Variants in OPA1 observed in about 807,000 individuals in gnomAD.
OPA1 encodes OPA1 mitochondrial dynamin like GTPase.
OPA1 carries 59 observed loss-of-function variants against 152.9 expected under a neutral mutation model. That is an observed-to-expected ratio of 0.39 (90% CI 0.31 to 0.48). The LOEUF (loss-of-function observed/expected upper bound fraction) is 0.48, where lower values mean the gene tolerates loss of function less well. Ranked by LOEUF, OPA1 falls within the 20% of genes least tolerant of loss-of-function variation. OPA1 has a pLI of 0.96. For missense variants in OPA1, 1,008 were observed against 1,216.8 expected, an observed-to-expected ratio of 0.83 and a Z score of 2.55; for synonymous variants, 400 against 389.9, an observed-to-expected ratio of 1.03 and a Z score of -0.31.
At chr3:193,650,108 T>C (rs1712024192) in intron 21 of OPA1, among the ~76,000 whole-genome samples, 1 of 152,200 alleles carries the variant, frequency 6.6e-6, no homozygotes. Context: ...TTAGTTTTGT[T>C]TGGACAGAGC....
At chr3:193,644,701 T>C (rs1160132519) in intron 16 of OPA1, among the ~76,000 whole-genome samples, 1 of 152,158 alleles carries the variant, frequency 6.6e-6, no homozygotes, top group Non-Finnish European at 1.5e-5. Context: ...ATGGTTCTGA[T>C]ATGGAGAAGG....
At chr3:193,666,129 C>T (rs898470312) in intron 27 of OPA1, among the ~76,000 whole-genome samples, 167 bp from the exon 28 acceptor site, 16 of 152,042 alleles carry the variant, frequency 1.1e-4, no homozygotes, top group African/African-American at 3.4e-4. Context: ...TTCATGGCTC[C>T]GTACAGAAAG....
intron 1 of OPA1, among the ~76,000 whole-genome samples, chr3:193,610,307 A>T (rs1239752491): frequency 6.6e-6 from 1 of 152,204 alleles, no homozygotes; most frequent in Non-Finnish European, 1.5e-5. Flanking sequence ...TCCACTCCAG[A>T]CCATGTTTGC....
chr3:193,666,700 G>C (rs372869263), intron 28 of OPA1, among the ~76,000 whole-genome samples: 38 of 152,094 alleles, frequency 2.5e-4, no homozygotes, highest in African/African-American at 8.9e-4. Context: ...GAGATGGGAG[G>C]ATCACTTGAG....
intron 2 of OPA1, 125 bp from the exon 3 acceptor site, chr3:193,615,549 T>G: frequency 1.4e-6 from 1 of 710,340 alleles, no homozygotes; most frequent in South Asian, 1.6e-5. Context: ...TTAATTTTGT[T>G]TCTTAAAAGT....
chr3:193,666,337 C>T lies in OPA1; in HGVS notation c.2820C>T (p.Arg940=). The stretch of plus-strand genomic sequence containing the variant: ...TGGTCTTGTTTTGGCGTATACAGCG[C>T]ATGCTTGCTATCACCGCAAATACTT... The part of the protein sequence containing the change: ...NDVVLFWRIQ[R]MLAITANTLR... Residue 940 remains arginine, a synonymous_variant, in exon 28 of 31, where the codon CGC becomes CGT. Transcript: ENST00000361510. The T allele has an allele frequency of 6.2e-7, 1 of 1,614,160 alleles. No homozygotes were observed. The highest frequency in any genetic ancestry group is 1.1e-5 in the South Asian group (1 of 91,082).
chr3:193,658,269 GAAAA>G (rs1714393878), intron 23 of OPA1, among the ~76,000 whole-genome samples: 1 of 140,776 alleles, frequency 7.1e-6, no homozygotes, highest in African/African-American at 2.6e-5. Context: ...AAAAAAGAAA[GAAAA>G]CCATATTTAT....
chr3:193,601,535 G>C (rs940991644), intron 1 of OPA1, among the ~76,000 whole-genome samples: 1 of 152,294 alleles, frequency 6.6e-6, no homozygotes, highest in African/African-American at 2.4e-5. Flanking sequence ...TGAATCTGTA[G>C]CTCCTGAATA....
At chr3:193,594,579 G>T (rs1019367692) in intron 1 of OPA1, among the ~76,000 whole-genome samples, 13 of 152,234 alleles carry the variant, frequency 8.5e-5, no homozygotes, top group African/African-American at 3.1e-4. Flanking sequence ...GTAGAGAGGG[G>T]GTTTCACCAT....
chr3:193,632,941 C>T (rs1057334869), intron 8 of OPA1, among the ~76,000 whole-genome samples: 1 of 152,192 alleles, frequency 6.6e-6, no homozygotes, highest in Non-Finnish European at 1.5e-5. Flanking sequence ...AGTTGAATAT[C>T]TCTTATCTGA....
chr3:193,680,019 A>T (rs144481716), intron 29 of OPA1, among the ~76,000 whole-genome samples: 2 of 152,364 alleles, frequency 1.3e-5, no homozygotes, highest in African/African-American at 4.8e-5. Context: ...GCCTAACATG[A>T]ATACCTGTTC....
intron 8 of OPA1, 166 bp downstream of exon 8, chr3:193,631,831 A>G: frequency 1.5e-6 from 1 of 658,846 alleles, no homozygotes; most frequent in South Asian, 1.9e-5. Context: ...AATAAGGAAT[A>G]AAGACAGAAC....
intron 3 of OPA1, 41 bp downstream of exon 3, chr3:193,615,811 C>A (rs778161659): frequency 4.5e-6 from 5 of 1,121,152 alleles, no homozygotes; most frequent in African/African-American, 1.5e-5. Context: ...TTGGTCATCT[C>A]GAGGAAAGAG....
At chr3:193,666,669 G>A (rs558621650) in intron 28 of OPA1, among the ~76,000 whole-genome samples, 39 of 152,020 alleles carry the variant, frequency 2.6e-4, no homozygotes, top group Non-Finnish European at 5.4e-4. Context: ...CACATCTGTA[G>A]TTCTAGCTAC....
chr3:193,612,363 C>A (rs192493632), intron 1 of OPA1, among the ~76,000 whole-genome samples: 56 of 144,250 alleles, frequency 3.9e-4, no homozygotes, highest in African/African-American at 1.4e-3. Flanking sequence ...TAGAGATGGA[C>A]AAAGAAGGAA....
chr3:193,647,963 A>G (rs1734959614), intron 19 of OPA1, 107 bp from the exon 20 acceptor site: 3 of 786,168 alleles, frequency 3.8e-6, no homozygotes, highest in East Asian at 2.6e-5. Flanking sequence ...TCATAGGCGC[A>G]CTCTCAGAAA....
At chr3:193,633,474 C>G (rs933841411) in intron 8 of OPA1, among the ~76,000 whole-genome samples, 12 of 152,176 alleles carry the variant, frequency 7.9e-5, no homozygotes, top group Non-Finnish European at 1.6e-4. Flanking sequence ...GGAAATTCTA[C>G]CCTCTTATAT....
Position 193,668,325 on chromosome 3 carries a change from T to C in OPA1, c.2983+1045T>C. The C allele has an allele frequency of 3.9e-6, 6 of 1,550,682 alleles. No homozygotes were observed. In the Middle Eastern group the frequency reaches 8.3e-4, roughly 215 times the overall value. On this transcript the variant is annotated intron_variant, in intron 29 of 30. Transcript: ENST00000361510. ...CCTTTTCCATTGCAGAAATGTTCTT[T>C]TTCCCCAGCTCGGACTCAACACTAC...
chr3:193,614,007 G>A, intron 1 of OPA1: 1 of 517,926 alleles, frequency 1.9e-6, no homozygotes, highest in Non-Finnish European at 3.9e-6. Flanking sequence ...GCAACTATGA[G>A]TGTATGTTAA....
Sources: gnomAD v4.1 joint callset for allele counts (sites outside exome capture counted in the v4.1 genomes callset) on GRCh38, gnomAD v4.1.1 for gene constraint, MANE v1.5 for transcripts, NCBI Gene and HGNC (gene_info 2026-07-23, HGNC 2026-07-21) for gene names.